WDR11: variants seen among roughly 807,000 people sequenced by gnomAD.
WDR11 encodes WD repeat-containing protein 11.
A neutral mutation model predicts 151.2 loss-of-function variants in WDR11; 83 were observed. The ratio of observed to expected loss-of-function variants is 0.55; its 90% CI spans 0.46 to 0.66. WDR11 has a LOEUF of 0.66. Among genes scored for constraint, WDR11 ranks in the 30% least tolerant of loss-of-function variants. WDR11 has a pLI of 0.00. For synonymous variants in WDR11, 484 were observed against 533.1 expected (o/e 0.91, Z 1.27); for missense variants, 1,301 against 1,480.9 (o/e 0.88, Z 1.99).
At chr10:120,905,295 AG>A in intron 25 of WDR11, 23 bp from the exon 26 acceptor site, 1 of 1,612,108 alleles carries the variant, frequency 6.2e-7, no homozygotes. Context: ...GTGTCACTTA[AG>A]GGGATGCGCT....
Position 120,896,443 on chromosome 10 carries a change from CAA to C in WDR11, c.2516-3585_2516-3584del, listed in dbSNP as rs549137530. On this transcript the variant is annotated intron_variant, in intron 19 of 28. Coordinates refer to ENST00000263461, the MANE Select transcript of WDR11 (RefSeq NM_018117.12). ...ATATATTAAAAATACACAGTGAAAA[CAA>C]GAGTGAAGAAAAAGCAAACCCTAAA... is the stretch of plus-strand genomic sequence containing the variant. Among the ~76,000 whole-genome samples the C allele has an allele frequency of 2.1e-3, 295 of 139,152 alleles. 2 individuals are homozygous for C. The highest frequency in any genetic ancestry group is 7.4e-3 in the African/African-American group (281 of 37,786). 91.3% of individuals were successfully genotyped at this position (139,152 alleles called of 152,430 possible).
At chr10:120,891,380 T>C (rs778015034) in intron 19 of WDR11, among the ~76,000 whole-genome samples, 2 of 152,184 alleles carry the variant, frequency 1.3e-5, no homozygotes, top group Non-Finnish European at 2.9e-5. Context: ...TGCAGTATCT[T>C]GCTCTGTTTT....
chr10:120,893,980 A>G lies in WDR11; in HGVS notation c.2515+3093A>G, dbSNP rs569552632. Among the ~76,000 whole-genome samples the G allele has an allele frequency of 5.8e-3, 878 of 151,984 alleles. 8 individuals carry two copies. The highest frequency in any genetic ancestry group is 9.6e-3 in the Non-Finnish European group (655 of 67,982). On this transcript the variant is annotated intron_variant, in intron 19 of 28. Coordinates refer to ENST00000263461, the MANE Select transcript of WDR11 (RefSeq NM_018117.12). ...TTCTGTAGGTTGCCTGTTCACTCTG[A>G]TGGTAGTTTCTTTTGCTGTGCAGAA...
At chr10:120,904,218 T>TACA in intron 24 of WDR11, 76 bp downstream of exon 24, 13 of 1,124,094 alleles carry the variant, frequency 1.2e-5, no homozygotes, top group Non-Finnish European at 1.6e-5. Flanking sequence ...TATATCTGTA[T>TACA]GTATATATTT....
intron 16 of WDR11, among the ~76,000 whole-genome samples, chr10:120,887,380 CATAG>C (rs1177632044): frequency 1.3e-5 from 2 of 152,134 alleles, no homozygotes; most frequent in African/African-American, 4.8e-5. Flanking sequence ...GCATGCATCT[CATAG>C]ATAGTTTTTA....
chr10:120,908,403 C>A, intron 28 of WDR11, 153 bp from the exon 29 acceptor site: 1 of 769,264 alleles, frequency 1.3e-6, no homozygotes, highest in Non-Finnish European at 2.3e-6. Flanking sequence ...CGCGAAAAGT[C>A]TCCTGTGTTC....
chr10:120,908,491 C>G, intron 28 of WDR11, 65 bp from the exon 29 acceptor site: 1 of 1,567,554 alleles, frequency 6.4e-7, no homozygotes, highest in Admixed American at 1.7e-5. Flanking sequence ...CTTCCTGCTT[C>G]TGGGAGCCTG....
intron 14 of WDR11, 27 bp downstream of exon 14, chr10:120,883,915 G>T (rs533692868): frequency 6.4e-7 from 1 of 1,554,734 alleles, no homozygotes; most frequent in South Asian, 1.1e-5. Flanking sequence ...GAATTTAATA[G>T]CTTATTTAGG....
intron 18 of WDR11, 103 bp from the exon 19 acceptor site, chr10:120,890,613 G>C (rs1451745758): frequency 4.3e-6 from 6 of 1,403,376 alleles, no homozygotes; most frequent in African/African-American, 1.4e-5. Flanking sequence ...TTCTAAACTT[G>C]AACTGGGCCT....
chr10:120,885,097 G>A (rs1036614692), intron 14 of WDR11: 12 of 152,156 alleles, frequency 7.9e-5, no homozygotes, highest in African/African-American at 2.9e-4. Flanking sequence ...ACTTTTGCAA[G>A]GATATTGACT....
intron 17 of WDR11, 54 bp downstream of exon 17, chr10:120,889,238 T>TTTTTGTTTTGTTTTGTTTTGTTTTG (rs71019800): frequency 3.7e-5 from 47 of 1,267,464 alleles, no homozygotes; most frequent in South Asian, 3.5e-4. Context: ...AAATGAAATC[T>TTTTTGTTTTGTTTTGTTTTGTTTTG]TTTTGTTTTG....
At chr10:120,895,297 T>TA (rs1016124187) in intron 19 of WDR11, among the ~76,000 whole-genome samples, 63 of 152,302 alleles carry the variant, frequency 4.1e-4, no homozygotes, top group Middle Eastern at 3.4e-3. Context: ...ATACATATGC[T>TA]ATCTAAAATA....
Position 120,904,827 on chromosome 10 carries a change from T to C in WDR11, c.3193+16T>C, listed in dbSNP as rs1847971080. ...AAATTGGCAGGTAAGGCACACTTGA[T>C]ATGTTTGTCATCTCTCTGAAAAATG... On this transcript the variant is annotated intron_variant, in intron 25 of 28. Coordinates refer to ENST00000263461, the MANE Select transcript of WDR11 (RefSeq NM_018117.12). 4 of 1,614,120 alleles carry C rather than the reference T, an allele frequency of 2.5e-6. No homozygotes were observed. The highest frequency in any genetic ancestry group is 3.4e-6 in the Non-Finnish European group (4 of 1,179,962).
chr10:120,863,574 C>T (rs1202966417), intron 5 of WDR11, among the ~76,000 whole-genome samples: 1 of 152,178 alleles, frequency 6.6e-6, no homozygotes, highest in Non-Finnish European at 1.5e-5. Context: ...TAAGAAATTA[C>T]AACTGAATAA....
chr10:120,880,687 A>C (rs1846970461), intron 12 of WDR11, 139 bp from the exon 13 acceptor site: 2 of 791,454 alleles, frequency 2.5e-6, no homozygotes, highest in East Asian at 5.5e-5. Flanking sequence ...ACAGAAACAG[A>C]TTAGAAGCAA....
chr10:120,889,352 C>G, intron 17 of WDR11, 168 bp downstream of exon 17: 1 of 584,160 alleles, frequency 1.7e-6, no homozygotes, highest in South Asian at 1.8e-5. Context: ...ATTCTCCTGC[C>G]TCAGCCACCC....
In WDR11 at chr10:120,860,398, G is replaced by A. The variant is rs1196098457; in HGVS notation, c.526+116G>A. 8 of 1,206,442 alleles carry A rather than the reference G, an allele frequency of 6.6e-6. No individual in the cohort carries two copies. In the East Asian group the frequency reaches 1.0e-4, roughly 15 times the overall value. 74.7% of individuals were successfully genotyped at this position (1,206,442 alleles called of 1,614,324 possible). ...ATCTATAATGTTAAAATGACTGAGCGAAGTGGAGAAGCATGTCTAGTCCAT... is the reference window on the plus strand; with the variant it reads ...ATCTATAATGTTAAAATGACTGAGCAAAGTGGAGAAGCATGTCTAGTCCAT... On this transcript the variant is annotated intron_variant, in intron 4 of 28. Coordinates refer to ENST00000263461, the MANE Select transcript of WDR11 (RefSeq NM_018117.12).
chr10:120,889,306 C>T (rs1022005214), intron 17 of WDR11, 122 bp downstream of exon 17: 5 of 733,106 alleles, frequency 6.8e-6, no homozygotes, highest in Admixed American at 2.1e-5. Flanking sequence ...GGTGCAATCT[C>T]GGCTCACTGC....
chr10:120,908,879 T>C lies in WDR11; in HGVS notation c.*166T>C, dbSNP rs1485842823. 1.1e-5 allele frequency: 8 copies of C among 727,696 alleles called. No homozygotes were observed. Among genetic ancestry groups the C allele is most frequent in the Non-Finnish European group, 1.7e-5 (7 of 422,202 alleles). The allele number at this position is 727,696 out of a possible 1,614,324, so 45.1% of individuals were successfully genotyped here. A position where few individuals can be genotyped will look rare whatever the true frequency, so the allele number is the denominator to read the frequency against. Reference sequence around the variant, plus strand: ...GCCCAAAAGCACATAAGCATCTATGTTGAGAGTAAGTTTGTATCCTGCGTT... The same window carrying C: ...GCCCAAAAGCACATAAGCATCTATGCTGAGAGTAAGTTTGTATCCTGCGTT... On this transcript the variant is annotated 3_prime_UTR_variant, in exon 29 of 29. Coordinates refer to ENST00000263461, the MANE Select transcript of WDR11 (RefSeq NM_018117.12).
Sources: gnomAD v4.1 joint callset for allele counts (sites outside exome capture counted in the v4.1 genomes callset) on GRCh38, gnomAD v4.1.1 for gene constraint, MANE v1.5 for transcripts, NCBI Gene and HGNC (gene_info 2026-07-23, HGNC 2026-07-21) for gene names.